FAM171A1: variants seen among roughly 807,000 people sequenced by gnomAD.
The protein encoded by FAM171A1 is protein FAM171A1.
In FAM171A1, 23 loss-of-function variants were observed where a neutral mutation model predicts 74.9. The ratio of observed to expected loss-of-function variants is 0.31; its 90% CI spans 0.22 to 0.44. FAM171A1 has a LOEUF of 0.44. FAM171A1 is among the 20% of genes least tolerant of loss of function. The pLI, the probability that FAM171A1 is intolerant of heterozygous loss-of-function variation, is 1.00. For synonymous variants in FAM171A1, 527 were observed against 505.7 expected, an observed-to-expected ratio of 1.04 and a Z score of -0.57; for missense variants, 1,162 against 1,159.2, an observed-to-expected ratio of 1.00 and a Z score of -0.03.
At chr10:15,324,211 T>C (rs879125088) in intron 1 of FAM171A1, among the ~76,000 whole-genome samples, 1 of 152,166 alleles carries the variant, frequency 6.6e-6, no homozygotes, top group Admixed American at 6.5e-5. Flanking sequence ...AGACATCTAC[T>C]TGCTGCATGC....
intron 3 of FAM171A1, among the ~76,000 whole-genome samples, chr10:15,269,492 C>A (rs17156499): frequency 0.01 from 1,523 of 152,152 alleles, 25 homozygotes; most frequent in African/African-American, 0.034. Context: ...CAATTCTAAC[C>A]CCATATCAAG....
At chr10:15,229,314 G>T (rs111974938) in intron 5 of FAM171A1, among the ~76,000 whole-genome samples, 5 of 152,064 alleles carry the variant, frequency 3.3e-5, no homozygotes, top group Non-Finnish European at 5.9e-5. Flanking sequence ...TCATGGCTCT[G>T]GATGAATAAT....
chr10:15,345,853 C>T (rs779924847), intron 1 of FAM171A1, among the ~76,000 whole-genome samples: 4 of 152,084 alleles, frequency 2.6e-5, no homozygotes, highest in Non-Finnish European at 4.4e-5. Context: ...AGGCCCCTGC[C>T]GTGGACAGCA....
At position 15,213,632 on chromosome 10, in the gene FAM171A1, G is replaced by C; in HGVS notation, c.1956C>G (p.Gly652=). The change falls in exon 8 of 8, where the codon GGC becomes GGG. Residue 652 remains glycine, a synonymous_variant. Coordinates refer to ENST00000378116, the MANE Select transcript of FAM171A1 (RefSeq NM_001010924.2). The surrounding 1 kb of genome is among the most constrained non-coding windows in gnomAD (Gnocchi z 6.8). ...CGTTCTGAGGGCTCCACTCCCGGGT[G>C]CCCGCATCCTGCAGGTGCTGCTGAG... ...AISQQHLQDA[G]TREWSPQNAS... 6.2e-7 allele frequency: 1 copy of C among 1,614,154 alleles called. No individual in the cohort carries two copies. The highest frequency in any genetic ancestry group is 1.6e-4 in the Middle Eastern group (1 of 6,062).
At chr10:15,262,890 G>A (rs1223187602) in intron 3 of FAM171A1, among the ~76,000 whole-genome samples, 1 of 152,210 alleles carries the variant, frequency 6.6e-6, no homozygotes, top group African/African-American at 2.4e-5. Flanking sequence ...TCTTCGGAAA[G>A]GCGGCAGGAG....
intron 1 of FAM171A1, among the ~76,000 whole-genome samples, chr10:15,288,741 G>A (rs1020493546): frequency 5.4e-5 from 8 of 147,536 alleles, no homozygotes; most frequent in African/African-American, 1.5e-4. Context: ...AATTATATAC[G>A]TTAAAAGAGA....
At chr10:15,334,273 T>C (rs1290453436) in intron 1 of FAM171A1, among the ~76,000 whole-genome samples, 1 of 152,194 alleles carries the variant, frequency 6.6e-6, no homozygotes, top group Non-Finnish European at 1.5e-5. Flanking sequence ...TTTTTGACCT[T>C]GGCTCTGGGA....
intron 3 of FAM171A1, among the ~76,000 whole-genome samples, chr10:15,255,953 G>A (rs185537321): frequency 2.6e-5 from 4 of 151,686 alleles, no homozygotes; most frequent in Non-Finnish European, 5.9e-5. Flanking sequence ...TGGCCCAGAT[G>A]TTGTTTTGAT....
intron 1 of FAM171A1, among the ~76,000 whole-genome samples, chr10:15,367,221 AAC>A (rs34667103): frequency 1.3e-5 from 2 of 151,140 alleles, no homozygotes; most frequent in Admixed American, 6.6e-5. Context: ...CAAACAAACA[AAC>A]ACACACACAA....
At chr10:15,255,916 G>C (rs1049818607) in intron 3 of FAM171A1, among the ~76,000 whole-genome samples, 1 of 152,070 alleles carries the variant, frequency 6.6e-6, no homozygotes, top group Non-Finnish European at 1.5e-5. Flanking sequence ...CCAAAGTGTT[G>C]GGATTACAGG....
At chr10:15,358,251 C>T (rs1460390419) in intron 1 of FAM171A1, among the ~76,000 whole-genome samples, 1 of 152,144 alleles carries the variant, frequency 6.6e-6, no homozygotes, top group Non-Finnish European at 1.5e-5. Context: ...GTTGGGATTA[C>T]AGCTGTGAGC....
At chr10:15,331,884 TATATATATATA>T (rs1835642214) in intron 1 of FAM171A1, among the ~76,000 whole-genome samples, 1 of 136,642 alleles carries the variant, frequency 7.3e-6, no homozygotes, top group African/African-American at 2.6e-5. Context: ...TGTATACATA[TATATATATATA>T]TGAAACAATT....
At chr10:15,235,421 T>C (rs572026270) in intron 5 of FAM171A1, among the ~76,000 whole-genome samples, 1 of 151,858 alleles carries the variant, frequency 6.6e-6, no homozygotes, top group African/African-American at 2.4e-5. Flanking sequence ...AACTTGTCAC[T>C]TGCAACATAC....
rs1363567558 is a variant in FAM171A1 at position 15,212,582 on chromosome 10, A to G, written c.*333T>C. The G allele has an allele frequency of 3.3e-6, 1 of 300,588 alleles. No homozygotes were observed. The highest frequency in any genetic ancestry group is 2.2e-5 in the African/African-American group (1 of 45,142). The allele number at this position is 300,588 out of a possible 1,614,324, so 18.6% of individuals were successfully genotyped here. ...AAGTTTCATCTGTTCCCAGAATCCG[A>G]GGGAGAACTGAGGTGATCGTTAGAG... On this transcript the variant is annotated 3_prime_UTR_variant, in exon 8 of 8. Coordinates refer to ENST00000378116, the MANE Select transcript of FAM171A1 (RefSeq NM_001010924.2).
intron 6 of FAM171A1, among the ~76,000 whole-genome samples, chr10:15,218,291 G>C (rs1244990866): frequency 2.0e-5 from 3 of 151,984 alleles, no homozygotes; most frequent in Non-Finnish European, 4.4e-5. Context: ...GTGTTAGCCA[G>C]GATGGTCTTG....
chr10:15,307,217 G>A (rs1306648257), intron 1 of FAM171A1, among the ~76,000 whole-genome samples: 1 of 152,126 alleles, frequency 6.6e-6, no homozygotes, highest in Non-Finnish European at 1.5e-5. Context: ...CTTGCAGGGT[G>A]CAAATGCATG....
chr10:15,231,624 G>A (rs866206318), intron 5 of FAM171A1, among the ~76,000 whole-genome samples: 1 of 151,898 alleles, frequency 6.6e-6, no homozygotes, highest in African/African-American at 2.4e-5. Flanking sequence ...ACTCTGTCAG[G>A]CAGAGTTGCC....
chr10:15,262,821 G>A (rs781276285), intron 3 of FAM171A1, among the ~76,000 whole-genome samples: 7 of 152,214 alleles, frequency 4.6e-5, no homozygotes, highest in Non-Finnish European at 7.3e-5. Flanking sequence ...GGGCTCCAAT[G>A]AGAATGTGAA....
intron 5 of FAM171A1, among the ~76,000 whole-genome samples, chr10:15,237,925 C>T (rs1834314848): frequency 6.6e-6 from 1 of 152,162 alleles, no homozygotes; most frequent in Admixed American, 6.5e-5. Context: ...TGTAAAAAGG[C>T]CTATTTCCAA....
Sources: gnomAD v4.1 joint callset for allele counts (sites outside exome capture counted in the v4.1 genomes callset) on GRCh38, gnomAD v4.1.1 for gene constraint, Gnocchi (gnomAD v3.1) non-coding constraint, MANE v1.5 for transcripts, NCBI Gene and HGNC (gene_info 2026-07-23, HGNC 2026-07-21) for gene names.